ATG4C: variants seen among roughly 807,000 people sequenced by gnomAD.
The protein encoded by ATG4C is autophagy related 4C cysteine peptidase.
Under a neutral mutation model 57.6 loss-of-function variants are expected in ATG4C, and 56 were observed. The ratio of observed to expected loss-of-function variants is 0.97; its 90% CI spans 0.78 to 1.21. The LOEUF is 1.21. ATG4C is among the 50% of genes most tolerant of loss of function. ATG4C has a pLI of 0.00. For missense variants in ATG4C, 595 were observed against 529.8 expected (o/e 1.12, Z -1.21); for synonymous variants, 157 against 174.1 (o/e 0.90, Z 0.78).
chr1:62,808,932 T>G (rs551298852), intron 3 of ATG4C, among the ~76,000 whole-genome samples: 1 of 152,002 alleles, frequency 6.6e-6, no homozygotes, highest in South Asian at 2.1e-4. Context: ...AGAGAAAAAC[T>G]TATTTTTTAG....
At chr1:62,852,182 G>A (rs895467405) in intron 10 of ATG4C, among the ~76,000 whole-genome samples, 7 of 152,158 alleles carry the variant, frequency 4.6e-5, no homozygotes, top group African/African-American at 7.2e-5. Context: ...GAAGCTACCC[G>A]GAGTAAGGTA....
chr1:62,825,146 G>A lies in ATG4C; in HGVS notation c.797-3894G>A, dbSNP rs1665607010. 2.6e-5 allele frequency among the ~76,000 whole-genome samples: 4 copies of A among 151,008 alleles called. No homozygotes were observed. The South Asian group carries it at 8.4e-4, about 32-fold the overall frequency. On this transcript the variant is annotated intron_variant, in intron 6 of 10. Coordinates refer to ENST00000317868, the MANE Select transcript of ATG4C (RefSeq NM_032852.4). ...AGCTACTCGGGAGGCTGAGGCAGGA[G>A]AATCCCTTGAACCTAGGAGGCGGAG...
chr1:62,830,101 T>C (rs1665793228), intron 7 of ATG4C, among the ~76,000 whole-genome samples: 1 of 152,156 alleles, frequency 6.6e-6, no homozygotes, highest in Non-Finnish European at 1.5e-5. Flanking sequence ...TTTTAACATA[T>C]GATATACATG....
At chr1:62,786,223 C>G (rs1043674467) in intron 1 of ATG4C, among the ~76,000 whole-genome samples, 1 of 152,112 alleles carries the variant, frequency 6.6e-6, no homozygotes, top group Non-Finnish European at 1.5e-5. Context: ...ATATAAAGAG[C>G]GTTAAATCAA....
intron 1 of ATG4C, among the ~76,000 whole-genome samples, chr1:62,789,733 C>T (rs567286378): frequency 1.3e-5 from 2 of 152,148 alleles, no homozygotes; most frequent in South Asian, 4.2e-4. Context: ...AGGAGAATGG[C>T]GTAAACCCGG....
intron 5 of ATG4C, 95 bp downstream of exon 5, chr1:62,819,430 A>G (rs968801552): frequency 6.3e-5 from 62 of 986,540 alleles, no homozygotes; most frequent in Middle Eastern, 4.7e-4. Context: ...TGGAACTTTA[A>G]AAGTCTAACT....
Position 62,864,041 on chromosome 1 carries a change from A to G in ATG4C, c.1259A>G (p.Asn420Ser), listed in dbSNP as rs773018462. The change falls in exon 11 of 11, where the codon AAT becomes AGT. Residue 420 changes from asparagine to serine, a missense_variant. Transcript: ENST00000317868. Reference protein sequence around the residue: ...KEKYPLFTFVNGHSRDYDFTS... With the variant: ...KEKYPLFTFVSGHSRDYDFTS... ...AAATATCCCTTATTTACTTTTGTAAATGGTCATTCCAGAGACTATGATTTT... is the reference window on the plus strand; with the variant it reads ...AAATATCCCTTATTTACTTTTGTAAGTGGTCATTCCAGAGACTATGATTTT... The G allele has an allele frequency of 1.6e-5, 25 of 1,590,238 alleles. No homozygotes were observed. Among genetic ancestry groups the G allele is most frequent in the Non-Finnish European group, 3.4e-6 (4 of 1,171,878 alleles).
At chr1:62,821,042 C>A in intron 5 of ATG4C, 97 bp from the exon 6 acceptor site, 1 of 899,120 alleles carries the variant, frequency 1.1e-6, no homozygotes, top group Non-Finnish European at 1.7e-6. Context: ...ATAGGAAAGT[C>A]ACAAAACTGC....
intron 10 of ATG4C, among the ~76,000 whole-genome samples, chr1:62,848,350 G>A (rs1666391704): frequency 6.6e-6 from 1 of 152,096 alleles, no homozygotes; most frequent in Admixed American, 6.6e-5. Context: ...AAGGCATTGT[G>A]TTTTAAAGAG....
chr1:62,788,867 TTTTTTTC>T (rs995547312), intron 1 of ATG4C, among the ~76,000 whole-genome samples: 9 of 152,202 alleles, frequency 5.9e-5, no homozygotes, highest in African/African-American at 1.4e-4. Context: ...GGTTTTTCTT[TTTTTTTC>T]TTTTTTCTTT....
intron 10 of ATG4C, among the ~76,000 whole-genome samples, chr1:62,847,228 T>TG (rs1418255444): frequency 8.8e-6 from 1 of 113,966 alleles, no homozygotes; most frequent in Non-Finnish European, 1.9e-5. Context: ...TGAGAATAAA[T>TG]AAAAAACAGA....
Position 62,838,304 on chromosome 1 carries a change from C to T in ATG4C, c.1090-3124C>T, listed in dbSNP as rs929734045. ...TGTCAAGTAGATGCTACTCCTCTTA[C>T]CAATCATTAGAATTTTAAAAATTAA... is the stretch of plus-strand genomic sequence containing the variant. On this transcript the variant is annotated intron_variant, in intron 9 of 10. Transcript: ENST00000317868. 3.9e-5 allele frequency among the ~76,000 whole-genome samples: 6 copies of T among 151,996 alleles called. No individual in the cohort carries two copies. In the South Asian group the frequency reaches 1.2e-3, roughly 31 times the overall value.
At chr1:62,839,515 G>A (rs1235546026) in intron 9 of ATG4C, among the ~76,000 whole-genome samples, 1 of 152,178 alleles carries the variant, frequency 6.6e-6, no homozygotes, top group Non-Finnish European at 1.5e-5. Context: ...TCTTTCGAAT[G>A]AGCTGGGCAA....
At chr1:62,802,465 T>TAAA (rs35221183) in intron 1 of ATG4C, among the ~76,000 whole-genome samples, 5 of 139,672 alleles carry the variant, frequency 3.6e-5, no homozygotes, top group African/African-American at 1.3e-4. Flanking sequence ...ATGCAAATAT[T>TAAA]AAAAAAAAAA....
intron 2 of ATG4C, 119 bp from the exon 3 acceptor site, chr1:62,805,053 G>T: frequency 7.4e-7 from 1 of 1,352,074 alleles, no homozygotes; most frequent in Non-Finnish European, 9.5e-7. Flanking sequence ...TGCCAAAAAT[G>T]CACATCCATA....
chr1:62,861,135 C>A (rs979664403), intron 10 of ATG4C, among the ~76,000 whole-genome samples: 1 of 152,160 alleles, frequency 6.6e-6, no homozygotes, highest in Non-Finnish European at 1.5e-5. Flanking sequence ...AGTTGTTGAG[C>A]AAACCACTGA....
At chr1:62,839,789 T>C (rs1487583200) in intron 9 of ATG4C, among the ~76,000 whole-genome samples, 3 of 152,186 alleles carry the variant, frequency 2.0e-5, no homozygotes, top group African/African-American at 7.2e-5. Context: ...AATCTCAGTA[T>C]ATAAAGTAAG....
At chr1:62,845,708 ATTTAT>A (rs1666306886) in intron 10 of ATG4C, among the ~76,000 whole-genome samples, 1 of 118,040 alleles carries the variant, frequency 8.5e-6, no homozygotes, top group African/African-American at 3.2e-5. Flanking sequence ...ATTTTTATTT[ATTTAT>A]TTTTTTGAGA....
intron 5 of ATG4C, among the ~76,000 whole-genome samples, chr1:62,820,085 TC>T (rs1473665433): frequency 6.6e-6 from 1 of 152,094 alleles, no homozygotes; most frequent in Non-Finnish European, 1.5e-5. Context: ...TTAACATGCT[TC>T]TATATTTTAT....
Sources: allele counts gnomAD v4.1 joint callset (sites outside exome capture counted in the v4.1 genomes callset), GRCh38; gene constraint gnomAD v4.1.1; transcripts MANE v1.5; gene names NCBI Gene and HGNC (gene_info 2026-07-23, HGNC 2026-07-21).